Variants in ALK observed in about 807,000 individuals in gnomAD.
The protein encoded by ALK is ALK tyrosine kinase receptor.
A neutral mutation model predicts 163.1 loss-of-function variants in ALK; 74 were observed. The observed-to-expected ratio is 0.45, with a 90% CI of 0.38 to 0.55. ALK has a LOEUF of 0.55. Ranked by LOEUF, ALK falls within the 20% of genes least tolerant of loss-of-function variation. ALK has a pLI of 0.00. For synonymous variants in ALK, 960 were observed against 843.2 expected (o/e 1.14, Z -2.40); for missense variants, 2,063 against 2,105.3 (o/e 0.98, Z 0.39).
chr2:29,392,516 T>A (rs1260603764), intron 4 of ALK, among the ~76,000 whole-genome samples: 1 of 152,196 alleles, frequency 6.6e-6, no homozygotes, highest in African/African-American at 2.4e-5. Context: ...TCAGGCTACC[T>A]TATTCCTTTT....
chr2:29,798,556 G>C (rs1201671152), intron 1 of ALK, among the ~76,000 whole-genome samples: 1 of 152,234 alleles, frequency 6.6e-6, no homozygotes, highest in African/African-American at 2.4e-5. Context: ...CTCGCATCCA[G>C]GTCTTTTCAG....
chr2:29,733,894 T>G (rs1223441059), intron 1 of ALK, among the ~76,000 whole-genome samples: 1 of 152,020 alleles, frequency 6.6e-6, no homozygotes, highest in Non-Finnish European at 1.5e-5. Context: ...CCATGGGACA[T>G]TGGACCTGCT....
intron 13 of ALK, among the ~76,000 whole-genome samples, chr2:29,237,981 C>T (rs539370598): frequency 1.4e-4 from 22 of 152,184 alleles, no homozygotes; most frequent in East Asian, 7.7e-4. Flanking sequence ...TGCCACCAGG[C>T]GAGGTTTGGG....
intron 5 of ALK, among the ~76,000 whole-genome samples, chr2:29,342,046 T>A (rs1032409962): frequency 6.6e-6 from 1 of 152,222 alleles, no homozygotes; most frequent in African/African-American, 2.4e-5. Context: ...TATTGGGCAT[T>A]TTTTGAATGT....
intron 4 of ALK, among the ~76,000 whole-genome samples, chr2:29,525,054 T>C (rs141307189): frequency 6.6e-6 from 1 of 152,354 alleles, no homozygotes; most frequent in African/African-American, 2.4e-5. Flanking sequence ...TCTGTATTCT[T>C]CTCATTCCCC....
At chr2:29,444,369 C>T (rs549268064) in intron 4 of ALK, among the ~76,000 whole-genome samples, 14 of 144,330 alleles carry the variant, frequency 9.7e-5, no homozygotes, top group East Asian at 1.9e-4. Context: ...GGACCTGCCC[C>T]GTGGGTGCTC....
chr2:29,194,976 A>T (rs750561857), intron 28 of ALK, among the ~76,000 whole-genome samples: 3 of 152,214 alleles, frequency 2.0e-5, no homozygotes, highest in Non-Finnish European at 4.4e-5. Flanking sequence ...TGGAAGAAAA[A>T]TTAAATTTGG....
intron 4 of ALK, among the ~76,000 whole-genome samples, chr2:29,466,285 C>T (rs1158586379): frequency 9.9e-5 from 15 of 151,946 alleles, no homozygotes; most frequent in African/African-American, 2.9e-4. Flanking sequence ...TCTTAGTTCC[C>T]GTCATCTATT....
At chr2:29,898,865 G>A (rs1446515373) in intron 1 of ALK, among the ~76,000 whole-genome samples, 1 of 152,188 alleles carries the variant, frequency 6.6e-6, no homozygotes, top group African/African-American at 2.4e-5. Flanking sequence ...CACCACCTCT[G>A]GTGGTCTACT....
chr2:29,311,617 GC>G (rs1248047221), intron 8 of ALK, among the ~76,000 whole-genome samples: 5 of 152,186 alleles, frequency 3.3e-5, no homozygotes, highest in Non-Finnish European at 5.9e-5. Flanking sequence ...CTTCCTCCCT[GC>G]CTTGAGTGAC....
intron 1 of ALK, among the ~76,000 whole-genome samples, chr2:29,786,827 T>A (rs775542814): frequency 2.6e-5 from 4 of 152,236 alleles, no homozygotes; most frequent in Admixed American, 6.5e-5. Flanking sequence ...AGTGTTGCTC[T>A]GTAGCCCAGG....
chr2:29,258,603 G>C (rs1274049984), intron 11 of ALK, among the ~76,000 whole-genome samples: 1 of 152,148 alleles, frequency 6.6e-6, no homozygotes, highest in East Asian at 1.9e-4. Context: ...CCAATTAACT[G>C]TTTGTACATT....
chr2:29,218,585 G>A (rs1669702115), intron 23 of ALK, among the ~76,000 whole-genome samples: 1 of 152,150 alleles, frequency 6.6e-6, no homozygotes, highest in African/African-American at 2.4e-5. Flanking sequence ...GGGAGAGAGG[G>A]AGAGATAGAG....
chr2:29,448,448 T>G (rs1214664978), intron 4 of ALK, among the ~76,000 whole-genome samples: 3 of 152,156 alleles, frequency 2.0e-5, no homozygotes, highest in Non-Finnish European at 4.4e-5. Flanking sequence ...AGAGGGTGTG[T>G]GCTCTCTCTC....
chr2:29,818,813 G>A (rs909611117), intron 1 of ALK, among the ~76,000 whole-genome samples: 1 of 152,242 alleles, frequency 6.6e-6, no homozygotes, highest in African/African-American at 2.4e-5. Context: ...GACACCTAGG[G>A]TCTTGGTTCT....
intron 13 of ALK, among the ~76,000 whole-genome samples, chr2:29,236,753 C>T (rs1664396779): frequency 6.6e-6 from 1 of 152,180 alleles, no homozygotes; most frequent in Non-Finnish European, 1.5e-5. Context: ...TTTTCCTGAC[C>T]TCTAAATGTT....
chr2:29,282,194 T>C (rs1174432228), intron 9 of ALK, among the ~76,000 whole-genome samples: 1 of 152,172 alleles, frequency 6.6e-6, no homozygotes, highest in East Asian at 1.9e-4. Context: ...AGGATAGAGC[T>C]GGCAGGTACT....
chr2:29,821,122 G>A lies in ALK; in HGVS notation c.667+98871C>T, dbSNP rs374013082. 8.8e-4 allele frequency among the ~76,000 whole-genome samples: 134 copies of A among 152,308 alleles called. 1 individual carries two copies. Among genetic ancestry groups the A allele is most frequent in the African/African-American group, 3.1e-3 (129 of 41,562 alleles). On this transcript the variant is annotated intron_variant, in intron 1 of 28. Transcript: ENST00000389048. ...CAAATCAAGTGTCACAGTGGCACTAGGGGAAGGTGGCATCACATGGAACCC... is the reference window on the plus strand; with the variant it reads ...CAAATCAAGTGTCACAGTGGCACTAAGGGAAGGTGGCATCACATGGAACCC...
At chr2:29,267,118 T>C (rs1280277174) in intron 11 of ALK, among the ~76,000 whole-genome samples, 1 of 151,108 alleles carries the variant, frequency 6.6e-6, no homozygotes, top group Non-Finnish European at 1.5e-5. Context: ...CACCCCCTCG[T>C]CCCCACACTA....
Sources: gnomAD v4.1 joint callset for allele counts (sites outside exome capture counted in the v4.1 genomes callset) on GRCh38, gnomAD v4.1.1 for gene constraint, MANE v1.5 for transcripts, NCBI Gene and HGNC (gene_info 2026-07-23, HGNC 2026-07-21) for gene names.